ST8SIA6: variants seen among roughly 807,000 people sequenced by gnomAD.
ST8SIA6 encodes alpha-2,8-sialyltransferase 8F.
ST8SIA6 carries 39 observed loss-of-function variants against 33.6 expected under a neutral mutation model. The observed-to-expected ratio is 1.16, with a 90% CI of 0.90 to 1.52. The LOEUF is 1.52. ST8SIA6 is among the 40% of genes most tolerant of loss of function. The pLI, the probability that ST8SIA6 is intolerant of heterozygous loss-of-function variation, is 0.00. For missense variants in ST8SIA6, 441 were observed against 443.8 expected, an observed-to-expected ratio of 0.99 and a Z score of 0.06; for synonymous variants, 172 against 167.2, an observed-to-expected ratio of 1.03 and a Z score of -0.22.
chr10:17,382,706 A>G (rs1467220462), intron 3 of ST8SIA6, among the ~76,000 whole-genome samples: 1 of 152,234 alleles, frequency 6.6e-6, no homozygotes, highest in Non-Finnish European at 1.5e-5. Flanking sequence ...ACAAGATGCC[A>G]ATCAAAATAA....
intron 4 of ST8SIA6, among the ~76,000 whole-genome samples, chr10:17,331,868 G>A (rs540486595): frequency 1.4e-4 from 22 of 152,206 alleles, no homozygotes; most frequent in Middle Eastern, 3.4e-3. Context: ...TGCCATGGTC[G>A]TTTCCTGCAC....
rs182727227 is a variant in ST8SIA6 at position 17,343,969 on chromosome 10, C to T, written c.378-12417G>A. Among the ~76,000 whole-genome samples the T allele has an allele frequency of 1.4e-4, 21 of 152,232 alleles. No individual in the cohort carries two copies. The East Asian group carries it at 3.3e-3, about 24-fold the overall frequency. Reference sequence around the variant, plus strand: ...CCTTATAAAAGCCTTATGAGGGAAGCGCTATTATCATCCCTGTTGTTGTCC... The same window carrying T: ...CCTTATAAAAGCCTTATGAGGGAAGTGCTATTATCATCCCTGTTGTTGTCC... On this transcript the variant is annotated intron_variant, in intron 4 of 7. Coordinates refer to ENST00000377602, the MANE Select transcript of ST8SIA6 (RefSeq NM_001004470.3).
chr10:17,419,175 A>T (rs1331351024), intron 2 of ST8SIA6, among the ~76,000 whole-genome samples: 1 of 152,042 alleles, frequency 6.6e-6, no homozygotes, highest in African/African-American at 2.4e-5. Context: ...CGAATTACAC[A>T]TATAAAGAAC....
chr10:17,447,648 G>T (rs750526249), intron 2 of ST8SIA6, among the ~76,000 whole-genome samples: 5 of 152,018 alleles, frequency 3.3e-5, no homozygotes, highest in Non-Finnish European at 4.4e-5. Context: ...GCAATGAAAA[G>T]ATAATCTAAA....
At chr10:17,401,460 C>T (rs1480133542) in intron 2 of ST8SIA6, among the ~76,000 whole-genome samples, 3 of 152,146 alleles carry the variant, frequency 2.0e-5, no homozygotes, top group Non-Finnish European at 4.4e-5. Flanking sequence ...CAAAAACGAG[C>T]CCGCATTGCC....
chr10:17,432,756 T>A (rs1852139090), intron 2 of ST8SIA6, among the ~76,000 whole-genome samples: 1 of 152,184 alleles, frequency 6.6e-6, no homozygotes, highest in Non-Finnish European at 1.5e-5. Flanking sequence ...TAACCTAGCT[T>A]AATAGTCAGA....
chr10:17,328,610 G>GT, intron 5 of ST8SIA6, among the ~76,000 whole-genome samples: 1 of 152,120 alleles, frequency 6.6e-6, no homozygotes, highest in Admixed American at 6.6e-5. Context: ...CAGAGAGGCT[G>GT]TTTATTATTT....
intron 2 of ST8SIA6, among the ~76,000 whole-genome samples, chr10:17,392,383 C>T (rs1850649535): frequency 6.6e-6 from 1 of 152,030 alleles, no homozygotes; most frequent in South Asian, 2.1e-4. Flanking sequence ...GTGTGCAGGC[C>T]AGGCCCAGTG....
At chr10:17,349,321 G>C (rs745589776) in intron 4 of ST8SIA6, among the ~76,000 whole-genome samples, 1 of 152,176 alleles carries the variant, frequency 6.6e-6, no homozygotes, top group Non-Finnish European at 1.5e-5. Context: ...AACTATTATA[G>C]CATTATTGCT....
In ST8SIA6 at chr10:17,336,051, G is replaced by A. The variant is rs1359573768; in HGVS notation, c.378-4499C>T. 5.3e-5 allele frequency among the ~76,000 whole-genome samples: 8 copies of A among 151,954 alleles called. No homozygotes were observed. The South Asian group carries it at 1.3e-3, about 24-fold the overall frequency. On this transcript the variant is annotated intron_variant, in intron 4 of 7. Coordinates refer to ENST00000377602, the MANE Select transcript of ST8SIA6 (RefSeq NM_001004470.3). The stretch of plus-strand genomic sequence containing the variant: ...GCTCACTGCAACCTCCATCTCCTGG[G>A]TTCAAGCAATTCTCCTACCTCAGTC...
chr10:17,445,870 C>T (rs765148395), intron 2 of ST8SIA6, among the ~76,000 whole-genome samples: 8 of 152,036 alleles, frequency 5.3e-5, no homozygotes, highest in African/African-American at 1.2e-4. Flanking sequence ...ACATTTGTCA[C>T]GTACCATTCC....
At chr10:17,384,831 C>G (rs1238806970) in intron 3 of ST8SIA6, among the ~76,000 whole-genome samples, 1 of 152,144 alleles carries the variant, frequency 6.6e-6, no homozygotes, top group African/African-American at 2.4e-5. Flanking sequence ...ATCAATTTTT[C>G]CAGGATTGTT....
In ST8SIA6 at chr10:17,379,133, AAAACAAAAAC is replaced by A. The variant is rs1282601904; in HGVS notation, c.290+11388_290+11397del. Among the ~76,000 whole-genome samples, 4 of 121,434 alleles carry A rather than the reference AAAACAAAAAC, an allele frequency of 3.3e-5. 1 individual carries two copies. The highest frequency in any genetic ancestry group is 1.7e-4 in the African/African-American group (4 of 22,872). 79.7% of individuals were successfully genotyped at this position (121,434 alleles called of 152,430 possible). On this transcript the variant is annotated intron_variant, in intron 3 of 7. Coordinates refer to ENST00000377602, the MANE Select transcript of ST8SIA6 (RefSeq NM_001004470.3). The stretch of plus-strand genomic sequence containing the variant: ...AAGAGTGAGACTCTGTCTCAAAAAA[AAAACAAAAAC>A]AAAAAAAACCGAAGGGACTTTTCCC...
At chr10:17,440,388 T>G (rs1588928576) in intron 2 of ST8SIA6, among the ~76,000 whole-genome samples, 1 of 152,024 alleles carries the variant, frequency 6.6e-6, no homozygotes, top group South Asian at 2.1e-4. Context: ...GTATTTTTAG[T>G]AGAGACGAGG....
At chr10:17,412,658 T>C (rs1204773544) in intron 2 of ST8SIA6, among the ~76,000 whole-genome samples, 1 of 152,222 alleles carries the variant, frequency 6.6e-6, no homozygotes, top group African/African-American at 2.4e-5. Context: ...TATTCAGGTC[T>C]GTAGAAACTT....
chr10:17,375,599 T>A (rs1309027273), intron 3 of ST8SIA6, among the ~76,000 whole-genome samples: 4 of 152,340 alleles, frequency 2.6e-5, no homozygotes, highest in South Asian at 4.1e-4. Flanking sequence ...AAATAGCTCA[T>A]CAAACATAGA....
At chr10:17,348,191 T>C (rs546825799) in intron 4 of ST8SIA6, among the ~76,000 whole-genome samples, 1 of 151,082 alleles carries the variant, frequency 6.6e-6, no homozygotes, top group South Asian at 2.1e-4. Flanking sequence ...GTTAGATATT[T>C]TTAGGGAAGG....
Position 17,318,682 on chromosome 10 carries a change from C to G in ST8SIA6, c.*2196G>C. 2.1e-6 allele frequency: 1 copy of G among 470,902 alleles called. No individual in the cohort carries two copies. Among genetic ancestry groups the G allele is most frequent in the South Asian group, 1.6e-5 (1 of 64,474 alleles). 29.2% of individuals were successfully genotyped at this position (470,902 alleles called of 1,614,324 possible). On this transcript the variant is annotated 3_prime_UTR_variant, in exon 8 of 8. Coordinates refer to ENST00000377602, the MANE Select transcript of ST8SIA6 (RefSeq NM_001004470.3). ...GTGTCACAGTCAGACTTGGTTGTGGCGAATCTACAAATCTACAAGATGGAG... is the reference window on the plus strand; with the variant it reads ...GTGTCACAGTCAGACTTGGTTGTGGGGAATCTACAAATCTACAAGATGGAG...
intron 2 of ST8SIA6, among the ~76,000 whole-genome samples, chr10:17,431,959 G>A (rs1170154953): frequency 6.6e-6 from 1 of 152,148 alleles, no homozygotes; most frequent in African/African-American, 2.4e-5. Flanking sequence ...AAGAGGAAGC[G>A]GAAAGTAGGG....
Sources: allele counts gnomAD v4.1 joint callset (sites outside exome capture counted in the v4.1 genomes callset), GRCh38; gene constraint gnomAD v4.1.1; transcripts MANE v1.5; gene names NCBI Gene and HGNC (gene_info 2026-07-23, HGNC 2026-07-21).